Variants in SORD observed in about 807,000 individuals in gnomAD.
SORD encodes the protein (R,R)-butanediol dehydrogenase.
Under a neutral mutation model 35.6 loss-of-function variants are expected in SORD, and 18 were observed. The ratio of observed to expected loss-of-function variants is 0.51; its 90% CI spans 0.35 to 0.75. The LOEUF (loss-of-function observed/expected upper bound fraction) is 0.75, where lower values mean the gene tolerates loss of function less well. SORD is among the 30% of genes least tolerant of loss of function. SORD has a pLI of 0.01. For synonymous variants in SORD, 106 were observed against 152.9 expected (o/e 0.69, Z 2.26); for missense variants, 250 against 390.2 (o/e 0.64, Z 3.03).
intron 3 of SORD, among the ~76,000 whole-genome samples, chr15:45,050,185 C>G (rs1380092504): frequency 6.6e-6 from 1 of 152,128 alleles, no homozygotes. Context: ...GGGTTCATGC[C>G]ATTCTCCTGC....
intron 3 of SORD, among the ~76,000 whole-genome samples, chr15:45,052,762 G>C (rs1328837037): frequency 6.6e-6 from 1 of 152,088 alleles, no homozygotes; most frequent in Non-Finnish European, 1.5e-5. Context: ...ACCCACTTCA[G>C]ACACTGAACA....
intron 3 of SORD, among the ~76,000 whole-genome samples, chr15:45,053,614 TG>T (rs1464323984): frequency 6.6e-6 from 1 of 152,208 alleles, no homozygotes; most frequent in East Asian, 1.9e-4. Flanking sequence ...TACTTCTATT[TG>T]AATTTCTTTC....
chr15:45,025,294 A>G (rs893098), intron 1 of SORD, among the ~76,000 whole-genome samples: 3 of 152,202 alleles, frequency 2.0e-5, no homozygotes, highest in Non-Finnish European at 4.4e-5. Flanking sequence ...GTCATTTACT[A>G]GTCAGAGTAG....
At chr15:45,062,120 C>G (rs1893323546) in intron 4 of SORD, among the ~76,000 whole-genome samples, 1 of 150,518 alleles carries the variant, frequency 6.6e-6, no homozygotes, top group Admixed American at 6.6e-5. Flanking sequence ...TGCCCTTGTG[C>G]TAATAAGTGG....
chr15:45,031,734 G>A (rs1208222515), intron 1 of SORD, among the ~76,000 whole-genome samples: 10 of 150,526 alleles, frequency 6.6e-5, no homozygotes, highest in South Asian at 6.5e-4. Flanking sequence ...TGGGATCACC[G>A]GTGTGAGCCA....
chr15:45,057,580 G>A (rs1893237647), intron 3 of SORD, among the ~76,000 whole-genome samples: 1 of 152,072 alleles, frequency 6.6e-6, no homozygotes, highest in African/African-American at 2.4e-5. Flanking sequence ...GTCAGGAAGT[G>A]GAGACCATCC....
chr15:45,044,028 G>T (rs1234524544), intron 3 of SORD, among the ~76,000 whole-genome samples: 1 of 152,242 alleles, frequency 6.6e-6, no homozygotes, highest in Non-Finnish European at 1.5e-5. Flanking sequence ...ACGTTATTTG[G>T]GGGAAGGTGG....
rs770320477 is a variant in SORD, at chr15:45,061,200, T to C, written c.399T>C (p.Tyr133=). 9 of 1,614,130 alleles carry C rather than the reference T, an allele frequency of 5.6e-6. No individual in the cohort carries two copies. The Admixed American group carries it at 1.5e-4, about 27-fold the overall frequency. The change falls in exon 4 of 9, where the codon TAT becomes TAC. Residue 133 remains tyrosine (Y), a synonymous_variant. Coordinates refer to ENST00000267814, the MANE Select transcript of SORD (RefSeq NM_003104.6). Reference sequence around the variant, plus strand: ...ATGACGGGAACCTCTGCCGGTTCTATAAGCACAATGCAGCCTTTTGTTACA... The same window carrying C: ...ATGACGGGAACCTCTGCCGGTTCTACAAGCACAATGCAGCCTTTTGTTACA... ...PPDDGNLCRF[Y]KHNAAFCYKL...
intron 3 of SORD, among the ~76,000 whole-genome samples, chr15:45,049,377 G>A (rs981751267): frequency 2.0e-5 from 3 of 152,038 alleles, no homozygotes; most frequent in Non-Finnish European, 4.4e-5. Flanking sequence ...CTTATCTAAG[G>A]GTCCTCAGAA....
intron 5 of SORD, among the ~76,000 whole-genome samples, chr15:45,066,209 C>A (rs1406144739): frequency 1.5e-4 from 22 of 142,228 alleles, no homozygotes; most frequent in Admixed American, 1.5e-3. Context: ...TGTGCCACTG[C>A]ACTCCAGCCT....
intron 3 of SORD, among the ~76,000 whole-genome samples, chr15:45,044,912 G>T (rs1303162990): frequency 6.6e-6 from 1 of 152,030 alleles, no homozygotes; most frequent in African/African-American, 2.4e-5. Flanking sequence ...TGGCCAGGCT[G>T]GTCTTGAACT....
chr15:45,052,560 T>C (rs935118808), intron 3 of SORD, among the ~76,000 whole-genome samples: 8 of 152,160 alleles, frequency 5.3e-5, no homozygotes, highest in African/African-American at 1.7e-4. Context: ...ACTCTGACTC[T>C]AAATTTTTTC....
At chr15:45,052,581 T>C (rs925361998) in intron 3 of SORD, among the ~76,000 whole-genome samples, 1 of 152,044 alleles carries the variant, frequency 6.6e-6, no homozygotes, top group South Asian at 2.1e-4. Flanking sequence ...CAGGCAGAGG[T>C]TAGAAAGAGG....
At chr15:45,067,112 A>G (rs1327736900) in intron 5 of SORD, among the ~76,000 whole-genome samples, 1 of 152,172 alleles carries the variant, frequency 6.6e-6, no homozygotes, top group African/African-American at 2.4e-5. Context: ...CTGTAATCCT[A>G]GCACTTTGGG....
intron 8 of SORD, 140 bp downstream of exon 8, chr15:45,072,578 A>G: frequency 1.8e-6 from 1 of 549,182 alleles, no homozygotes; most frequent in Non-Finnish European, 3.3e-6. Context: ...TGTGTGATAT[A>G]ACAGGGATCC....
intron 2 of SORD, among the ~76,000 whole-genome samples, chr15:45,041,367 A>C (rs565637070): frequency 4.8e-4 from 73 of 151,604 alleles, no homozygotes; most frequent in Non-Finnish European, 8.4e-4. Context: ...GTAGATACTC[A>C]CCCTCCCCCT....
chr15:45,059,115 A>G (rs935283901), intron 3 of SORD, among the ~76,000 whole-genome samples: 2 of 152,052 alleles, frequency 1.3e-5, no homozygotes, highest in Non-Finnish European at 2.9e-5. Context: ...GCTGCTCTTT[A>G]TGTGCCTGCA....
intron 1 of SORD, among the ~76,000 whole-genome samples, chr15:45,026,921 C>T (rs534592429): frequency 3.1e-4 from 47 of 151,136 alleles, no homozygotes; most frequent in African/African-American, 1.2e-3. Context: ...AAACCTACCA[C>T]ACAGCCTCCC....
intron 1 of SORD, among the ~76,000 whole-genome samples, chr15:45,038,146 TC>T (rs1229892268): frequency 1.6e-5 from 2 of 126,992 alleles, no homozygotes; most frequent in African/African-American, 7.1e-5. Flanking sequence ...CTTCCTTCCT[TC>T]CTTCCTTCCT....
Sources: gnomAD v4.1 joint callset for allele counts (sites outside exome capture counted in the v4.1 genomes callset) on GRCh38, gnomAD v4.1.1 for gene constraint, MANE v1.5 for transcripts, NCBI Gene and HGNC (gene_info 2026-07-23, HGNC 2026-07-21) for gene names.